The following CHL1 variants were observed in gnomAD, a reference collection of about 807,000 sequenced individuals.
CHL1 encodes cell adhesion molecule L1 like, also known as neural cell adhesion molecule L1-like protein.
A neutral mutation model predicts 141.9 loss-of-function variants in CHL1; 96 were observed. The ratio of observed to expected loss-of-function variants is 0.68; its 90% confidence interval spans 0.57 to 0.80. The LOEUF is 0.80. CHL1 is among the 30% of genes least tolerant of loss of function. CHL1 has a pLI of 0.00. For synonymous variants in CHL1, 613 were observed against 502.2 expected, an observed-to-expected ratio of 1.22 and a Z score of -2.95; for missense variants, 1,820 against 1,457.2, an observed-to-expected ratio of 1.25 and a Z score of -4.05.
intron 1 of CHL1, among the ~76,000 whole-genome samples, chr3:203,269 T>C (rs1189580059): frequency 2.6e-5 from 4 of 152,244 alleles, no homozygotes; most frequent in Admixed American, 2.0e-4. Context: ...TAAGACAAAT[T>C]TCAGCCAACA....
chr3:360,494 G>A, intron 12 of CHL1, 70 bp downstream of exon 12: 3 of 1,495,834 alleles, frequency 2.0e-6, no homozygotes, highest in Non-Finnish European at 2.8e-6. Context: ...ATGTTCAGAA[G>A]TGTATTAACT....
At chr3:292,956 T>C (rs746902767) in intron 2 of CHL1, among the ~76,000 whole-genome samples, 5 of 152,242 alleles carry the variant, frequency 3.3e-5, no homozygotes, top group Non-Finnish European at 5.9e-5. Flanking sequence ...TTGAGACAGA[T>C]ATCCAAGCTG....
At chr3:376,540 A>G (rs1174206915) in intron 15 of CHL1, 3 of 382,164 alleles carry the variant, frequency 7.9e-6, no homozygotes, top group Non-Finnish European at 1.5e-5. Flanking sequence ...TGCAACCATG[A>G]CTTGCCAAAA....
At position 301,029 on chromosome 3, in the gene CHL1, G is replaced by A. The variant is rs73007577; in HGVS notation, c.-94-18654G>A. Among the ~76,000 whole-genome samples the A allele has an allele frequency of 1.9e-3, 291 of 152,226 alleles. 2 individuals are homozygous for A. The highest frequency in any genetic ancestry group is 3.9e-3 in the Admixed American group (60 of 15,280). ...GAGTCCAGAGCACTCAGAATTTGCA[G>A]AATAATAAGGATTTTGATCCATGTT... On this transcript the variant is annotated intron_variant, in intron 2 of 27. Transcript: ENST00000256509.
At chr3:238,770 C>A (rs1201416801) in intron 1 of CHL1, among the ~76,000 whole-genome samples, 30 of 145,454 alleles carry the variant, frequency 2.1e-4, no homozygotes, top group African/African-American at 5.5e-4. Flanking sequence ...ACTAAAAATA[C>A]AAAAAAAAAA....
rs866660471 is a variant in CHL1 at position 405,703 on chromosome 3, C to T, written c.3667C>T (p.Arg1223Trp). The part of the protein sequence containing the change: ...NGSSTATFPL[R>W]A ...AAGTTCTACAGCAACTTTTCCCCTT[C>T]GGGCATAAACACAACATATGTAAGC... is the stretch of plus-strand genomic sequence containing the variant. The change falls in exon 28 of 28, where the codon CGG (arginine) becomes TGG (tryptophan). Residue 1223 changes from arginine (R) to tryptophan (W), a missense_variant. Arg to Trp is a moderately radical substitution (Grantham distance 101). Coordinates refer to ENST00000256509, the MANE Select transcript of CHL1 (RefSeq NM_006614.4). 9.9e-6 allele frequency: 16 copies of T among 1,612,042 alleles called. No homozygotes were observed. The highest frequency in any genetic ancestry group is 2.2e-5 in the East Asian group (1 of 44,852).
chr3:382,018 C>G (rs1042714102), intron 16 of CHL1, among the ~76,000 whole-genome samples, 161 bp from the exon 17 acceptor site: 1 of 140,558 alleles, frequency 7.1e-6, no homozygotes, highest in Non-Finnish European at 1.5e-5. Context: ...CCTTGAAACT[C>G]CACCTTTCCC....
At chr3:354,813 G>A in intron 11 of CHL1, 42 bp downstream of exon 11, 2 of 1,607,608 alleles carry the variant, frequency 1.2e-6, no homozygotes, top group Non-Finnish European at 1.7e-6. Context: ...TGAAGGCCCT[G>A]GTTTGACGGG....
At chr3:217,246 C>T (rs962927863) in intron 1 of CHL1, among the ~76,000 whole-genome samples, 3 of 152,044 alleles carry the variant, frequency 2.0e-5, no homozygotes, top group African/African-American at 4.8e-5. Flanking sequence ...GAAAACAGGT[C>T]TCTCCAAGCA....
intron 2 of CHL1, among the ~76,000 whole-genome samples, chr3:286,873 G>A (rs1697203342): frequency 6.6e-6 from 1 of 152,118 alleles, no homozygotes; most frequent in Non-Finnish European, 1.5e-5. Context: ...GGCACTGGTG[G>A]GAGTGTCTTT....
chr3:233,863 A>G (rs916824614), intron 1 of CHL1, among the ~76,000 whole-genome samples: 2 of 152,132 alleles, frequency 1.3e-5, no homozygotes, highest in African/African-American at 4.8e-5. Context: ...TATAAATTAC[A>G]CTCAGTAAAG....
At chr3:263,922 T>C (rs1027423254) in intron 2 of CHL1, among the ~76,000 whole-genome samples, 1 of 152,210 alleles carries the variant, frequency 6.6e-6, no homozygotes, top group African/African-American at 2.4e-5. Context: ...AATGCTAATG[T>C]TGATTTTAAA....
intron 24 of CHL1, among the ~76,000 whole-genome samples, chr3:396,717 A>G (rs1352952486): frequency 1.3e-5 from 2 of 152,138 alleles, no homozygotes; most frequent in Non-Finnish European, 2.9e-5. Context: ...TTTTTCAGGA[A>G]TCCACATTTT....
chr3:248,377 G>T (rs1439683853), intron 2 of CHL1: 4 of 152,070 alleles, frequency 2.6e-5, no homozygotes, highest in Non-Finnish European at 5.9e-5. Context: ...ATTATAGAAT[G>T]AGCACTATAT....
At chr3:336,916 G>A (rs942016114) in intron 5 of CHL1, among the ~76,000 whole-genome samples, 1 of 152,144 alleles carries the variant, frequency 6.6e-6, no homozygotes, top group African/African-American at 2.4e-5. Flanking sequence ...GTAGGGAAGT[G>A]TTTCCATGAT....
intron 2 of CHL1, among the ~76,000 whole-genome samples, chr3:253,696 T>C (rs1693909439): frequency 6.6e-6 from 1 of 152,200 alleles, no homozygotes; most frequent in Non-Finnish European, 1.5e-5. Context: ...TTTCTCCCAA[T>C]TACTAAAATG....
intron 6 of CHL1, 29 bp downstream of exon 6, chr3:340,945 G>T: frequency 6.3e-7 from 1 of 1,593,960 alleles, no homozygotes; most frequent in Non-Finnish European, 8.6e-7. Flanking sequence ...CATCAAAAAA[G>T]GGGGACATTT....
rs867419406 is a variant in CHL1 at position 340,850 on chromosome 3, C to A, written c.442C>A (p.Pro148Thr). The A allele has an allele frequency of 6.2e-7, 1 of 1,611,698 alleles. No homozygotes were observed. The highest frequency in any genetic ancestry group is 8.5e-7 in the Non-Finnish European group (1 of 1,178,004). ...IDPLEVEEGD[P>T]IVLPCNPPKG... ...CCCTCTTGAAGTGGAGGAGGGAGAT[C>A]CAATTGTCCTCCCATGCAATCCTCC... The change falls in exon 6 of 28, where the codon CCA becomes ACA. Residue 148 changes from proline to threonine, a missense_variant. Pro to Thr is a conservative substitution (Grantham distance 38). Coordinates refer to ENST00000256509, the MANE Select transcript of CHL1 (RefSeq NM_006614.4).
intron 2 of CHL1, among the ~76,000 whole-genome samples, chr3:317,218 G>T (rs1031061949): frequency 6.6e-6 from 1 of 151,940 alleles, no homozygotes; most frequent in Non-Finnish European, 1.5e-5. Context: ...TTATGGGAGA[G>T]AATTTCTTGG....
Sources: allele counts gnomAD v4.1 joint callset (sites outside exome capture counted in the v4.1 genomes callset), GRCh38; gene constraint gnomAD v4.1.1; transcripts MANE v1.5; gene names NCBI Gene and HGNC (gene_info 2026-07-23, HGNC 2026-07-21).